The following WDR7 variants were observed in gnomAD, a reference collection of about 807,000 sequenced individuals.
The protein encoded by WDR7 is WD repeat-containing protein 7.
In WDR7, 46 loss-of-function variants were observed where a neutral mutation model predicts 169.4. The ratio of observed to expected loss-of-function variants is 0.27; its 90% CI spans 0.21 to 0.35. WDR7 has a LOEUF of 0.35. Among genes scored for constraint, WDR7 ranks in the 10% least tolerant of loss-of-function variants. WDR7 has a pLI of 1.00. For missense variants in WDR7, 1,534 were observed against 1,859.3 expected, an observed-to-expected ratio of 0.83 and a Z score of 3.22; for synonymous variants, 612 against 666.8, an observed-to-expected ratio of 0.92 and a Z score of 1.27.
chr18:56,705,850 T>A (rs1437278993), intron 12 of WDR7, among the ~76,000 whole-genome samples: 1 of 152,072 alleles, frequency 6.6e-6, no homozygotes, highest in Non-Finnish European at 1.5e-5. Context: ...CAAAAAAAAT[T>A]AGCTGGGTGT....
At chr18:56,896,380 A>G (rs1180954701) in intron 21 of WDR7, among the ~76,000 whole-genome samples, 4 of 151,852 alleles carry the variant, frequency 2.6e-5, no homozygotes, top group Middle Eastern at 3.2e-3. Flanking sequence ...AAGAAAAGCC[A>G]TGACACTCCT....
intron 16 of WDR7, among the ~76,000 whole-genome samples, chr18:56,761,668 C>A (rs1478226608): frequency 4.0e-5 from 6 of 151,672 alleles, no homozygotes; most frequent in Non-Finnish European, 5.9e-5. Context: ...TATCATAACT[C>A]ATATGGTTTT....
At chr18:56,817,234 A>G (rs1406043589) in intron 20 of WDR7, among the ~76,000 whole-genome samples, 1 of 151,038 alleles carries the variant, frequency 6.6e-6, no homozygotes, top group Non-Finnish European at 1.5e-5. Flanking sequence ...CATTCCAGCT[A>G]CTCGGGAGGC....
At chr18:56,696,622 A>G (rs925340354) in intron 12 of WDR7, 160 bp downstream of exon 12, 1 of 642,698 alleles carries the variant, frequency 1.6e-6, no homozygotes, top group African/African-American at 1.8e-5. Context: ...ACATTTAGGC[A>G]AAGTTACGGC....
At chr18:56,775,928 C>G (rs758603496) in intron 16 of WDR7, among the ~76,000 whole-genome samples, 4 of 152,162 alleles carry the variant, frequency 2.6e-5, no homozygotes, top group Non-Finnish European at 4.4e-5. Context: ...TTTGAAGATG[C>G]TTGTGCATGA....
intron 14 of WDR7, among the ~76,000 whole-genome samples, chr18:56,744,048 G>A (rs1289161435): frequency 6.6e-6 from 1 of 152,000 alleles, no homozygotes; most frequent in Non-Finnish European, 1.5e-5. Flanking sequence ...TCAGGAGATC[G>A]AGACCATGGT....
At chr18:56,675,362 T>G (rs564865557) in intron 2 of WDR7, among the ~76,000 whole-genome samples, 10 of 152,284 alleles carry the variant, frequency 6.6e-5, no homozygotes, top group African/African-American at 2.4e-4. Flanking sequence ...TGCATTTCCA[T>G]TTATTTAGAT....
intron 26 of WDR7, among the ~76,000 whole-genome samples, chr18:56,983,870 C>T (rs1295555969): frequency 6.6e-6 from 1 of 152,122 alleles, no homozygotes; most frequent in East Asian, 1.9e-4. Flanking sequence ...TATAAGGGAT[C>T]AGTGATTTGT....
intron 21 of WDR7, among the ~76,000 whole-genome samples, chr18:56,907,338 C>T (rs151068129): frequency 2.0e-3 from 297 of 152,046 alleles, no homozygotes; most frequent in African/African-American, 6.8e-3. Flanking sequence ...GTTAAAATGA[C>T]AACAGTTATA....
At chr18:56,788,285 C>T (rs1014331178) in intron 19 of WDR7, among the ~76,000 whole-genome samples, 11 of 152,128 alleles carry the variant, frequency 7.2e-5, no homozygotes, top group African/African-American at 2.4e-4. Flanking sequence ...GGAAAAGTCC[C>T]CAGATTGATA....
At chr18:56,670,581 G>A (rs1283034890) in intron 1 of WDR7, among the ~76,000 whole-genome samples, 1 of 152,110 alleles carries the variant, frequency 6.6e-6, no homozygotes, top group Non-Finnish European at 1.5e-5. Flanking sequence ...CGCGATCTCG[G>A]CTCACTGCAA....
chr18:56,749,775 G>A (rs1391610043), intron 14 of WDR7, among the ~76,000 whole-genome samples: 7 of 151,682 alleles, frequency 4.6e-5, no homozygotes, highest in Admixed American at 3.9e-4. Context: ...ATTGTTTTAC[G>A]TTTCTCTTTG....
intron 16 of WDR7, among the ~76,000 whole-genome samples, chr18:56,771,887 A>G (rs1229167087): frequency 6.6e-6 from 1 of 151,090 alleles, no homozygotes; most frequent in Admixed American, 6.6e-5. Flanking sequence ...CATCTCAAAG[A>G]AGAAGAAAAA....
intron 12 of WDR7, among the ~76,000 whole-genome samples, chr18:56,698,185 A>C (rs1342691882): frequency 6.6e-6 from 1 of 152,040 alleles, no homozygotes; most frequent in African/African-American, 2.4e-5. Context: ...ACAGGAGCGA[A>C]ACGCTGTTTA....
chr18:56,690,085 A>G (rs1023501383), intron 7 of WDR7, among the ~76,000 whole-genome samples: 1 of 152,192 alleles, frequency 6.6e-6, no homozygotes, highest in African/African-American at 2.4e-5. Flanking sequence ...TTCTAACAAC[A>G]TTTAATGTAC....
intron 21 of WDR7, among the ~76,000 whole-genome samples, chr18:56,912,410 T>G (rs977709572): frequency 6.6e-6 from 1 of 152,248 alleles, no homozygotes; most frequent in East Asian, 1.9e-4. Flanking sequence ...TTGAGCTCAC[T>G]GCACCAAATT....
chr18:57,006,425 T>C (rs1339619562), intron 26 of WDR7, among the ~76,000 whole-genome samples: 1 of 152,182 alleles, frequency 6.6e-6, no homozygotes, highest in East Asian at 1.9e-4. Context: ...ACATTTTTCA[T>C]TGACAAATAT....
At chr18:56,917,242 G>A (rs1039462204) in intron 21 of WDR7, among the ~76,000 whole-genome samples, 3 of 152,052 alleles carry the variant, frequency 2.0e-5, no homozygotes, top group East Asian at 3.9e-4. Flanking sequence ...TGTATGTGCT[G>A]TGAACTGAAG....
intron 22 of WDR7, among the ~76,000 whole-genome samples, chr18:56,929,777 T>A (rs1236971484): frequency 6.6e-6 from 1 of 152,262 alleles, no homozygotes; most frequent in Non-Finnish European, 1.5e-5. Context: ...AATCATAGAC[T>A]GAGCCATCCC....
Sources: gnomAD v4.1 joint callset for allele counts (sites outside exome capture counted in the v4.1 genomes callset) on GRCh38, gnomAD v4.1.1 for gene constraint, MANE v1.5 for transcripts, NCBI Gene and HGNC (gene_info 2026-07-23, HGNC 2026-07-21) for gene names.